The following CHODL variants were observed in gnomAD, a reference collection of about 807,000 sequenced individuals.
The protein encoded by CHODL is chondrolectin.
Under a neutral mutation model 34.5 loss-of-function variants are expected in CHODL, and 29 were observed. The ratio of observed to expected loss-of-function variants is 0.84; its 90% CI spans 0.63 to 1.15. CHODL has a LOEUF of 1.15. CHODL is among the 50% of genes most tolerant of loss of function. CHODL has a pLI of 0.00. For synonymous variants in CHODL, 125 were observed against 116.1 expected (o/e 1.08, Z -0.49); for missense variants, 332 against 332.5 (o/e 1.00, Z 0.01).
chr21:18,108,550 CA>C (rs2065303759), intron 2 of CHODL, among the ~76,000 whole-genome samples: 1 of 152,152 alleles, frequency 6.6e-6, no homozygotes, highest in African/African-American at 2.4e-5. Flanking sequence ...ACTGATCTGA[CA>C]ATACAGGTGC....
chr21:18,111,681 C>A (rs140721567), intron 2 of CHODL, among the ~76,000 whole-genome samples: 1 of 152,324 alleles, frequency 6.6e-6, no homozygotes, highest in East Asian at 1.9e-4. Context: ...AATACACTTT[C>A]TGTCCACTGG....
chr21:18,105,563 T>C (rs557187934), intron 2 of CHODL, among the ~76,000 whole-genome samples: 2 of 152,144 alleles, frequency 1.3e-5, no homozygotes, highest in Admixed American at 1.3e-4. Context: ...AGGGAAGTGG[T>C]AGCAGTGGTT....
chr21:18,080,144 A>G (rs1168675424), intron 2 of CHODL, among the ~76,000 whole-genome samples: 1 of 152,042 alleles, frequency 6.6e-6, no homozygotes, highest in Non-Finnish European at 1.5e-5. Flanking sequence ...TTTGAAAATT[A>G]TTAGTTCATG....
chr21:17,969,762 C>T (rs2063599831), intron 1 of CHODL, among the ~76,000 whole-genome samples: 1 of 152,118 alleles, frequency 6.6e-6, no homozygotes, highest in African/African-American at 2.4e-5. Flanking sequence ...TACTTTGAGG[C>T]ATTACTATGA....
chr21:18,177,495 C>G (rs2073330510), intron 2 of CHODL, among the ~76,000 whole-genome samples: 1 of 152,082 alleles, frequency 6.6e-6, no homozygotes, highest in African/African-American at 2.4e-5. Flanking sequence ...TATATTTTGA[C>G]TTTATCTCAA....
intron 2 of CHODL, among the ~76,000 whole-genome samples, chr21:18,174,161 A>ATATATATATATATCTTGGTATATATATAT (rs2073276201): frequency 1.2e-5 from 1 of 85,660 alleles, no homozygotes; most frequent in Non-Finnish European, 3.1e-5. Context: ...ATATATATAT[A>ATATATATATATATCTTGGTATATATATAT]AAATCAAGTC....
At chr21:18,078,391 C>G (rs953644855) in intron 2 of CHODL, among the ~76,000 whole-genome samples, 2 of 152,038 alleles carry the variant, frequency 1.3e-5, no homozygotes, top group African/African-American at 4.8e-5. Flanking sequence ...AAAACCTGTC[C>G]CCATGATTAA....
At chr21:18,134,617 G>A (rs1010655249) in intron 2 of CHODL, among the ~76,000 whole-genome samples, 1 of 152,180 alleles carries the variant, frequency 6.6e-6, no homozygotes, top group Non-Finnish European at 1.5e-5. Flanking sequence ...TTCAAACTGA[G>A]TTTAATAAAT....
intron 2 of CHODL, among the ~76,000 whole-genome samples, chr21:18,230,033 A>G (rs1041768945): frequency 6.6e-6 from 1 of 152,052 alleles, no homozygotes; most frequent in South Asian, 2.1e-4. Flanking sequence ...GAAAAAGTAA[A>G]TTTTTTTGCG....
At chr21:18,067,231 G>T (rs1217404466) in intron 2 of CHODL, among the ~76,000 whole-genome samples, 1 of 152,136 alleles carries the variant, frequency 6.6e-6, no homozygotes, top group African/African-American at 2.4e-5. Flanking sequence ...GTTGAATTGT[G>T]TTCCTCCAAA....
chr21:18,095,443 T>G (rs2065128663), intron 2 of CHODL, among the ~76,000 whole-genome samples: 1 of 152,142 alleles, frequency 6.6e-6, no homozygotes, highest in African/African-American at 2.4e-5. Context: ...TATAACCTAT[T>G]AAGATTGAAC....
rs150250766 is a variant in CHODL at position 18,111,078 on chromosome 21, C to G, written c.-45+83107C>G. Among the ~76,000 whole-genome samples, 295 of 152,180 alleles carry G rather than the reference C, an allele frequency of 1.9e-3. 2 individuals are homozygous for G. The highest frequency in any genetic ancestry group is 7.0e-3 in the African/African-American group (289 of 41,528). On this transcript the variant is annotated intron_variant, in intron 2 of 6. Coordinates refer to the CHODL transcript ENST00000400127. The stretch of plus-strand genomic sequence containing the variant: ...GTGTAATATTCTAGAATTAGAATGA[C>G]AGACTTCTATTGAGTTTTCACTCAC...
chr21:18,248,622 A>AATATATATAATATATT (rs2074174509), intron 1 of CHODL, among the ~76,000 whole-genome samples: 1 of 118,498 alleles, frequency 8.4e-6, no homozygotes, highest in African/African-American at 3.7e-5. Flanking sequence ...ATACATATAT[A>AATATATATAATATATT]ATATATATAA....
intron 1 of CHODL, among the ~76,000 whole-genome samples, chr21:17,933,952 A>G (rs546744709): frequency 1.4e-4 from 22 of 151,952 alleles, no homozygotes; most frequent in African/African-American, 4.8e-4. Flanking sequence ...GACGAGAATC[A>G]CTTGAACTGG....
chr21:17,946,232 A>C (rs567891171), intron 1 of CHODL, among the ~76,000 whole-genome samples: 3 of 152,216 alleles, frequency 2.0e-5, no homozygotes, highest in Non-Finnish European at 2.9e-5. Flanking sequence ...CCTGGCTAAC[A>C]TGGTGAAACC....
chr21:18,212,533 GT>G (rs1410946392), intron 2 of CHODL, among the ~76,000 whole-genome samples: 2 of 150,960 alleles, frequency 1.3e-5, no homozygotes, highest in Non-Finnish European at 2.9e-5. Flanking sequence ...GGCTTTGGGT[GT>G]TTTCATTGGA....
At chr21:18,006,480 C>A (rs1293480810) in intron 1 of CHODL, among the ~76,000 whole-genome samples, 2 of 152,140 alleles carry the variant, frequency 1.3e-5, no homozygotes, top group African/African-American at 4.8e-5. Context: ...GTGTGTGATA[C>A]CTTTCCTCCC....
At chr21:18,265,745 TA>T (rs2074451917) in intron 5 of CHODL, among the ~76,000 whole-genome samples, 1 of 152,124 alleles carries the variant, frequency 6.6e-6, no homozygotes, top group African/African-American at 2.4e-5. Flanking sequence ...CAGGAAAAGA[TA>T]TGTTTTGTTT....
chr21:18,191,468 A>G (rs2073509785), intron 2 of CHODL, among the ~76,000 whole-genome samples: 1 of 152,226 alleles, frequency 6.6e-6, no homozygotes, highest in South Asian at 2.1e-4. Flanking sequence ...AGAATCTTGC[A>G]CTTAAAGCTG....
Sources: allele counts gnomAD v4.1 joint callset (sites outside exome capture counted in the v4.1 genomes callset), GRCh38; gene constraint gnomAD v4.1.1; transcripts MANE v1.5; gene names NCBI Gene and HGNC (gene_info 2026-07-23, HGNC 2026-07-21).